FBXW7: variants seen among roughly 807,000 people sequenced by gnomAD.
FBXW7 encodes F-box/WD repeat-containing protein 7.
A neutral mutation model predicts 86.3 loss-of-function variants in FBXW7; 11 were observed. The ratio of observed to expected loss-of-function variants is 0.13; its 90% CI spans 0.08 to 0.21. FBXW7 has a LOEUF of 0.21. Ranked by LOEUF, FBXW7 falls within the 10% of genes least tolerant of loss-of-function variation. The pLI is 1.00. For missense variants in FBXW7, 488 were observed against 847.4 expected, an observed-to-expected ratio of 0.58 and a Z score of 5.27; for synonymous variants, 313 against 297.9, an observed-to-expected ratio of 1.05 and a Z score of -0.52.
chr4:152,395,624 C>T (rs1221375571), intron 4 of FBXW7, among the ~76,000 whole-genome samples: 1 of 152,062 alleles, frequency 6.6e-6, no homozygotes, highest in Non-Finnish European at 1.5e-5. Flanking sequence ...GTCCGTAGGT[C>T]ACTGGCTAAA....
chr4:152,531,524 CA>C (rs1316678710), intron 2 of FBXW7, among the ~76,000 whole-genome samples: 2 of 148,774 alleles, frequency 1.3e-5, no homozygotes, highest in African/African-American at 5.0e-5. Flanking sequence ...AAAATGTCTA[CA>C]TTTTTTTAAA....
chr4:152,414,943 G>A (rs1311869239), intron 2 of FBXW7, among the ~76,000 whole-genome samples: 1 of 152,098 alleles, frequency 6.6e-6, no homozygotes, highest in Non-Finnish European at 1.5e-5. Context: ...ACTATCCTTT[G>A]TTGATTTAGT....
intron 4 of FBXW7, among the ~76,000 whole-genome samples, chr4:152,384,717 A>T (rs1735383408): frequency 1.3e-5 from 2 of 152,050 alleles, no homozygotes; most frequent in Non-Finnish European, 2.9e-5. Context: ...AAATGTTTTT[A>T]AACAAAAAAG....
chr4:152,428,266 GCAAA>G (rs1247784980), intron 2 of FBXW7, among the ~76,000 whole-genome samples: 1 of 152,114 alleles, frequency 6.6e-6, no homozygotes, highest in Non-Finnish European at 1.5e-5. Context: ...CACTTGTGAG[GCAAA>G]CAGAGAGGCC....
intron 4 of FBXW7, among the ~76,000 whole-genome samples, chr4:152,389,755 T>C (rs1030162698): frequency 1.3e-5 from 2 of 151,968 alleles, no homozygotes; most frequent in Non-Finnish European, 2.9e-5. Context: ...CTTAAATTTA[T>C]ACCAAAAAAA....
intron 2 of FBXW7, among the ~76,000 whole-genome samples, chr4:152,435,210 T>C (rs895352923): frequency 2.0e-5 from 3 of 151,998 alleles, no homozygotes; most frequent in Non-Finnish European, 4.4e-5. Flanking sequence ...GTAAGGAAAA[T>C]GGCACTGACA....
intron 2 of FBXW7, among the ~76,000 whole-genome samples, chr4:152,452,988 C>G (rs987675523): frequency 6.6e-6 from 1 of 152,114 alleles, no homozygotes; most frequent in Non-Finnish European, 1.5e-5. Flanking sequence ...TTGAGACCAG[C>G]CTGGCCAACA....
chr4:152,470,968 A>C (rs918553660), intron 2 of FBXW7, among the ~76,000 whole-genome samples: 4 of 152,190 alleles, frequency 2.6e-5, no homozygotes, highest in Non-Finnish European at 5.9e-5. Context: ...TAAAGTCAGG[A>C]ATAAAGCTGT....
chr4:152,365,537 G>T, intron 4 of FBXW7, among the ~76,000 whole-genome samples: 1 of 152,144 alleles, frequency 6.6e-6, no homozygotes, highest in South Asian at 2.1e-4. Context: ...ACATCAAACT[G>T]ATAGGATAGT....
chr4:152,441,563 C>T (rs769617576), intron 2 of FBXW7, among the ~76,000 whole-genome samples: 2 of 152,080 alleles, frequency 1.3e-5, no homozygotes, highest in Non-Finnish European at 2.9e-5. Flanking sequence ...CTTTTCAATT[C>T]ACTCTTAATG....
intron 4 of FBXW7, among the ~76,000 whole-genome samples, chr4:152,387,708 C>CA: frequency 8.9e-6 from 1 of 112,796 alleles, no homozygotes; most frequent in Non-Finnish European, 1.6e-5. Context: ...CATGGCATAC[C>CA]TTTTTTTTTT....
At chr4:152,457,643 CAA>C (rs769232533) in intron 2 of FBXW7, among the ~76,000 whole-genome samples, 35 of 57,460 alleles carry the variant, frequency 6.1e-4, no homozygotes, top group African/African-American at 1.7e-3. Context: ...GACTCTGTCT[CAA>C]AAAAAAAAAA....
chr4:152,393,631 T>C (rs1191227117), intron 4 of FBXW7, among the ~76,000 whole-genome samples: 2 of 152,150 alleles, frequency 1.3e-5, no homozygotes, highest in Admixed American at 1.3e-4. Flanking sequence ...CTTATATTAA[T>C]AGAACCAACA....
intron 4 of FBXW7, among the ~76,000 whole-genome samples, chr4:152,359,518 G>GTT (rs756896853): frequency 6.6e-5 from 10 of 152,110 alleles, no homozygotes; most frequent in Non-Finnish European, 1.2e-4. Flanking sequence ...CAGGAGGATC[G>GTT]TTTGAGGTTG....
intron 2 of FBXW7, among the ~76,000 whole-genome samples, chr4:152,432,634 C>G (rs757470464): frequency 6.6e-6 from 1 of 151,918 alleles, no homozygotes; most frequent in Non-Finnish European, 1.5e-5. Flanking sequence ...TAGTGAACCC[C>G]CATCTCTACT....
chr4:152,382,501 C>A, intron 4 of FBXW7: 1 of 1,195,590 alleles, frequency 8.4e-7, no homozygotes, highest in Non-Finnish European at 1.0e-6. Flanking sequence ...TACCAAATGT[C>A]CTGACCTGTC....
chr4:152,350,127 A>G lies in FBXW7; in HGVS notation c.502-3T>C, dbSNP rs775230436. On this transcript the variant is annotated splice_region_variant and splice_polypyrimidine_tract_variant and intron_variant, in intron 4 of 13. Transcript: ENST00000281708. ...CCATGGTCCAACTTTCTTTTCATCT[A>G]TAAGGTAAAACAAACAAGATATGTT... The G allele has an allele frequency of 4.2e-5, 64 of 1,531,920 alleles. No individual in the cohort carries two copies. Among genetic ancestry groups the G allele is most frequent in the South Asian group, 1.7e-4 (14 of 80,160 alleles). 94.9% of individuals were successfully genotyped at this position (1,531,920 alleles called of 1,614,324 possible).
intron 2 of FBXW7, among the ~76,000 whole-genome samples, chr4:152,523,669 C>G (rs1374626865): frequency 6.6e-6 from 1 of 152,138 alleles, no homozygotes; most frequent in Admixed American, 6.5e-5. Context: ...CTATGATACG[C>G]TTTTAGGGTG....
intron 4 of FBXW7, among the ~76,000 whole-genome samples, chr4:152,374,889 G>T (rs529399909): frequency 1.1e-4 from 16 of 146,864 alleles, no homozygotes; most frequent in South Asian, 4.4e-4. Context: ...GTTACAGGAG[G>T]GGGGGGGATG....
Sources: allele counts gnomAD v4.1 joint callset (sites outside exome capture counted in the v4.1 genomes callset), GRCh38; gene constraint gnomAD v4.1.1; transcripts MANE v1.5; gene names NCBI Gene and HGNC (gene_info 2026-07-23, HGNC 2026-07-21).